AAMDC: variants seen among roughly 807,000 people sequenced by gnomAD.
AAMDC encodes adipogenesis associated Mth938 domain containing.
A neutral mutation model predicts 15.5 loss-of-function variants in AAMDC; 16 were observed. The observed-to-expected ratio is 1.03, with a 90% confidence interval of 0.70 to 1.57. The LOEUF (loss-of-function observed/expected upper bound fraction) is 1.57, where lower values mean the gene tolerates loss of function less well. Among genes scored for constraint, AAMDC ranks in the 40% most tolerant of loss-of-function variants. The pLI is 0.00. For missense variants in AAMDC, 141 were observed against 144.9 expected (o/e 0.97, Z 0.14); for synonymous variants, 51 against 51.6 (o/e 0.99, Z 0.05).
intron 2 of AAMDC, among the ~76,000 whole-genome samples, chr11:77,858,574 C>G (rs1356232200): frequency 6.6e-6 from 1 of 152,046 alleles, no homozygotes; most frequent in East Asian, 1.9e-4. Flanking sequence ...TCCCAGCTAG[C>G]CTTAGGGATT....
At chr11:77,838,566 A>G (rs1222992166) in intron 1 of AAMDC, among the ~76,000 whole-genome samples, 2 of 150,084 alleles carry the variant, frequency 1.3e-5, no homozygotes, top group African/African-American at 4.9e-5. Flanking sequence ...GTCAATATTT[A>G]TAGTCATCTG....
rs142865249 is a variant in AAMDC, at chr11:77,842,611, A to G, written c.115A>G (p.Arg39Gly). The G allele has an allele frequency of 9.3e-6, 15 of 1,613,924 alleles. No individual in the cohort carries two copies. The highest frequency in any genetic ancestry group is 1.3e-5 in the Non-Finnish European group (15 of 1,179,934). Reference sequence around the variant, plus strand: ...AGGGGGTAGTCGGACTTGGGATTGGAGAGAAACAGGAACTGAGGTAAGATA... The same window carrying G: ...AGGGGGTAGTCGGACTTGGGATTGGGGAGAAACAGGAACTGAGGTAAGATA... ...WPGGSRTWDW[R>G]ETGTEHSPGV... Residue 39 changes from arginine to glycine, a missense_variant, in exon 2 of 4, where the codon AGA becomes GGA. Coordinates refer to ENST00000393427, the MANE Select transcript of AAMDC (RefSeq NM_024684.4).
intron 2 of AAMDC, among the ~76,000 whole-genome samples, chr11:77,848,914 C>A (rs542590288): frequency 7.9e-4 from 120 of 152,204 alleles, no homozygotes; most frequent in African/African-American, 2.7e-3. Flanking sequence ...TCTTATCATC[C>A]CAACTAGCTA....
chr11:77,874,793 T>C (rs894717288), downstream of AAMDC, among the ~76,000 whole-genome samples: 1 of 152,080 alleles, frequency 6.6e-6, no homozygotes, highest in African/African-American at 2.4e-5. Flanking sequence ...TCCCAGCGCT[T>C]TGGGAGGCCG....
At chr11:77,863,532 G>C (rs545603907) in intron 2 of AAMDC, among the ~76,000 whole-genome samples, 1 of 152,150 alleles carries the variant, frequency 6.6e-6, no homozygotes, top group South Asian at 2.1e-4. Context: ...GGGATTACAG[G>C]CATGTGCCAC....
At chr11:77,891,989 T>C (rs1411426725) in intron 5 of AAMDC, 24 of 1,207,110 alleles carry the variant, frequency 2.0e-5, no homozygotes, top group Admixed American at 1.9e-4. Context: ...CTGGTACCTA[T>C]ACAATCATGC....
chr11:77,845,409 G>A (rs1449187718), intron 2 of AAMDC, among the ~76,000 whole-genome samples: 1 of 151,540 alleles, frequency 6.6e-6, no homozygotes, highest in South Asian at 2.1e-4. Flanking sequence ...GTACTTTCCA[G>A]CTCCAGAATT....
chr11:77,903,212 T>C (rs1343911713), downstream of AAMDC, among the ~76,000 whole-genome samples: 1 of 152,224 alleles, frequency 6.6e-6, no homozygotes, highest in Admixed American at 6.5e-5. Flanking sequence ...CTAGTTATGC[T>C]CCTTCTCATA....
chr11:77,892,175 C>T (rs1952302093), intron 5 of AAMDC, among the ~76,000 whole-genome samples: 1 of 152,024 alleles, frequency 6.6e-6, no homozygotes, highest in Non-Finnish European at 1.5e-5. Context: ...TTTTTAAGAC[C>T]TACGAAGCGC....
intron 2 of AAMDC, among the ~76,000 whole-genome samples, chr11:77,853,994 T>A (rs1950505898): frequency 2.2e-4 from 1 of 4,646 alleles, no homozygotes; most frequent in South Asian, 0.015. Context: ...CTCCAAATTC[T>A]TTTTTTTTTT....
At chr11:77,835,930 A>G (rs1949663236) in intron 1 of AAMDC, among the ~76,000 whole-genome samples, 1 of 152,146 alleles carries the variant, frequency 6.6e-6, no homozygotes, top group Admixed American at 6.5e-5. Context: ...AAAAATAATA[A>G]TAAAAATAAA....
intron 1 of AAMDC, chr11:77,831,778 C>T (rs1178516481): frequency 6.6e-6 from 1 of 151,748 alleles, no homozygotes; most frequent in African/African-American, 2.4e-5. Context: ...TCACTGCAAC[C>T]TCTGCCTCCC....
chr11:77,869,312 C>CTTTTTTTTTTTTTTTTTTTTT (rs1209578429), intron 2 of AAMDC: 1 of 126,850 alleles, frequency 7.9e-6, no homozygotes, highest in Non-Finnish European at 1.6e-5. Context: ...ATCTCTTTTT[C>CTTTTTTTTTTTTTTTTTTTTT]TTTTTTTTTT....
At chr11:77,895,516 A>T (rs1252466326) in intron 5 of AAMDC, among the ~76,000 whole-genome samples, 3 of 129,344 alleles carry the variant, frequency 2.3e-5, no homozygotes, top group African/African-American at 6.1e-5. Flanking sequence ...ATTCATTCTA[A>T]TTCTTTTCCT....
chr11:77,842,360 C>T, intron 1 of AAMDC, 119 bp from the exon 2 acceptor site: 1 of 953,202 alleles, frequency 1.0e-6, no homozygotes, highest in East Asian at 2.6e-5. Flanking sequence ...AAGTAACAAC[C>T]ACGTAAATGA....
chr11:77,823,916 TAA>T (rs557186061), intron 1 of AAMDC, among the ~76,000 whole-genome samples: 3 of 133,702 alleles, frequency 2.2e-5, no homozygotes, highest in Admixed American at 7.5e-5. Flanking sequence ...AATAACATTC[TAA>T]AAAAAAAAAA....
intron 2 of AAMDC, among the ~76,000 whole-genome samples, chr11:77,863,274 C>T (rs753338196): frequency 4.6e-5 from 7 of 152,234 alleles, no homozygotes; most frequent in Admixed American, 6.5e-5. Flanking sequence ...CGGCAATGGG[C>T]GCTCAGGAGC....
At chr11:77,824,930 T>A (rs1383922690) in intron 1 of AAMDC, among the ~76,000 whole-genome samples, 1 of 152,204 alleles carries the variant, frequency 6.6e-6, no homozygotes, top group African/African-American at 2.4e-5. Flanking sequence ...TTATACACAT[T>A]TCTGTCTCCT....
chr11:77,895,250 G>A (rs1337000546), intron 5 of AAMDC, among the ~76,000 whole-genome samples: 2 of 151,656 alleles, frequency 1.3e-5, no homozygotes, highest in Admixed American at 6.6e-5. Flanking sequence ...TTTCCCACTT[G>A]TTTTCTTTAA....
Sources: gnomAD v4.1 joint callset for allele counts (sites outside exome capture counted in the v4.1 genomes callset) on GRCh38, gnomAD v4.1.1 for gene constraint, MANE v1.5 for transcripts, NCBI Gene and HGNC (gene_info 2026-07-23, HGNC 2026-07-21) for gene names.